The following ART3 variants were observed in gnomAD, a reference collection of about 807,000 sequenced individuals.
ART3 encodes ADP-ribosyltransferase 3 (inactive), also known as ecto-ADP-ribosyltransferase 3.
Under a neutral mutation model 48.5 loss-of-function variants are expected in ART3, and 49 were observed. The observed-to-expected ratio is 1.01, with a 90% CI of 0.80 to 1.28. The LOEUF (loss-of-function observed/expected upper bound fraction) is 1.28, where lower values mean the gene tolerates loss of function less well. Among genes scored for constraint, ART3 ranks in the 50% most tolerant of loss-of-function variants. The pLI, the probability that ART3 is intolerant of heterozygous loss-of-function variation, is 0.00. For synonymous variants in ART3, 145 were observed against 157.2 expected, an observed-to-expected ratio of 0.92 and a Z score of 0.58; for missense variants, 438 against 454.3, an observed-to-expected ratio of 0.96 and a Z score of 0.33.
intron 3 of ART3, among the ~76,000 whole-genome samples, chr4:76,085,208 A>G (rs1349198013): frequency 6.6e-6 from 1 of 152,232 alleles, no homozygotes; most frequent in Non-Finnish European, 1.5e-5. Context: ...TGATTGCCTA[A>G]CTGAACCAAA....
chr4:76,082,678 C>A (rs1156882339), intron 3 of ART3, 143 bp downstream of exon 3: 2 of 616,902 alleles, frequency 3.2e-6, no homozygotes, highest in South Asian at 3.6e-5. Context: ...TATCTCTTTA[C>A]CCATAGTTAA....
At chr4:76,102,125 A>C (rs577225792) in intron 8 of ART3, among the ~76,000 whole-genome samples, 1 of 152,380 alleles carries the variant, frequency 6.6e-6, no homozygotes, top group Non-Finnish European at 1.5e-5. Context: ...TTAAAGACAG[A>C]GAAGAGCCAA....
Position 76,081,817 on chromosome 4 carries a change from T to C in ART3, c.70-7T>C, listed in dbSNP as rs1270439838. ...TTCAAGAGTATTAATTTCTTTTTCC[T>C]TTGAAGGTGAAGGCTGAAGTGTTAG... On this transcript the variant is annotated splice_polypyrimidine_tract_variant and splice_region_variant and intron_variant, in intron 2 of 11. Transcript: ENST00000355810. 7 of 1,598,902 alleles carry C rather than the reference T, an allele frequency of 4.4e-6. No homozygotes were observed. The highest frequency in any genetic ancestry group is 6.0e-6 in the Non-Finnish European group (7 of 1,171,730).
At chr4:76,099,730 TA>T (rs1331181066) in intron 5 of ART3, 3 of 152,968 alleles carry the variant, frequency 2.0e-5, no homozygotes, top group Admixed American at 6.5e-5. Context: ...TAGATGCTCT[TA>T]AAGTTTCCAC....
At chr4:76,028,797 G>A (rs1189539799) in intron 1 of ART3, among the ~76,000 whole-genome samples, 1 of 152,210 alleles carries the variant, frequency 6.6e-6, no homozygotes, top group Non-Finnish European at 1.5e-5. Context: ...CAAACTGAGT[G>A]CTGGCAAAGT....
chr4:76,089,132 A>G (rs1724260354), intron 3 of ART3, among the ~76,000 whole-genome samples: 1 of 152,152 alleles, frequency 6.6e-6, no homozygotes, highest in African/African-American at 2.4e-5. Context: ...TGCTAATGGG[A>G]TGTGTTTGCT....
intron 1 of ART3, among the ~76,000 whole-genome samples, chr4:76,046,449 A>T (rs1210600977): frequency 6.6e-6 from 1 of 152,106 alleles, no homozygotes; most frequent in Non-Finnish European, 1.5e-5. Context: ...GGGGTGTTGC[A>T]GGGACTGCTG....
chr4:76,052,574 A>G (rs1465431801), intron 1 of ART3, among the ~76,000 whole-genome samples: 2 of 152,102 alleles, frequency 1.3e-5, no homozygotes, highest in Non-Finnish European at 2.9e-5. Context: ...CATGGTACCC[A>G]TTAAGTAGTT....
chr4:76,078,825 A>G (rs1270311128), intron 2 of ART3, among the ~76,000 whole-genome samples: 1 of 152,214 alleles, frequency 6.6e-6, no homozygotes, highest in East Asian at 1.9e-4. Flanking sequence ...TCACGCCTGT[A>G]ATCCCAGCAC....
intron 1 of ART3, among the ~76,000 whole-genome samples, chr4:76,026,085 T>C (rs1374973056): frequency 6.6e-6 from 1 of 151,976 alleles, no homozygotes; most frequent in Non-Finnish European, 1.5e-5. Flanking sequence ...CCTCATATCA[T>C]TCCTTCTCAA....
chr4:76,111,537 TAC>T (rs1353863598), intron 11 of ART3, among the ~76,000 whole-genome samples: 34 of 137,658 alleles, frequency 2.5e-4, no homozygotes, highest in African/African-American at 6.2e-4. Context: ...ATTGTAAAAA[TAC>T]AGTTTATTTA....
At chr4:76,015,991 T>C (rs1732217275) in intron 1 of ART3, among the ~76,000 whole-genome samples, 1 of 152,226 alleles carries the variant, frequency 6.6e-6, no homozygotes, top group African/African-American at 2.4e-5. Flanking sequence ...TCAATATTCA[T>C]GAGAGATATT....
chr4:76,022,533 T>G (rs1205558066), intron 1 of ART3: 1 of 1,505,488 alleles, frequency 6.6e-7, no homozygotes, highest in Non-Finnish European at 9.2e-7. Context: ...AGTTCTGAAG[T>G]CAGACATTTA....
intron 1 of ART3, among the ~76,000 whole-genome samples, chr4:76,030,017 C>T (rs6814817): frequency 0.61 from 93,041 of 152,070 alleles, 29,534 homozygotes; most frequent in East Asian, 0.94. Context: ...TAAATTCAGA[C>T]TCAAATCCTT....
chr4:76,032,389 T>C (rs1457093733), intron 1 of ART3, among the ~76,000 whole-genome samples: 1 of 152,038 alleles, frequency 6.6e-6, no homozygotes, highest in Non-Finnish European at 1.5e-5. Context: ...CTATTTTTTA[T>C]AGAGATGAAT....
chr4:76,102,785 A>C (rs1727626869), intron 8 of ART3, among the ~76,000 whole-genome samples: 1 of 152,104 alleles, frequency 6.6e-6, no homozygotes, highest in African/African-American at 2.4e-5. Flanking sequence ...TTAATTTTTA[A>C]TAATTTTCTG....
At chr4:76,015,563 C>CT in intron 1 of ART3, among the ~76,000 whole-genome samples, 1 of 152,292 alleles carries the variant, frequency 6.6e-6, no homozygotes, top group Middle Eastern at 3.4e-3. Flanking sequence ...TAAAACCTTC[C>CT]TTATCAGTAA....
At chr4:76,066,057 A>C (rs1484410571) in intron 1 of ART3, among the ~76,000 whole-genome samples, 2 of 152,202 alleles carry the variant, frequency 1.3e-5, no homozygotes, top group Non-Finnish European at 2.9e-5. Context: ...AAAGGAGAAA[A>C]GAGAATTCAG....
In ART3 at chr4:76,036,026, A is replaced by G. The variant is rs753717714; in HGVS notation, c.-10+24706A>G. 19 of 1,595,072 alleles carry G rather than the reference A, an allele frequency of 1.2e-5. No individual in the cohort carries two copies. In the African/African-American group the frequency reaches 1.5e-4, roughly 12 times the overall value. ...TGTTGCTGCTGGTGCTGCTGCTGCT[A>G]CTTCAGCTTTGCTGCTCTTCTTGGA... is the stretch of plus-strand genomic sequence containing the variant. On this transcript the variant is annotated intron_variant, in intron 1 of 9. Coordinates refer to the ART3 transcript ENST00000341029.
Sources: allele counts gnomAD v4.1 joint callset (sites outside exome capture counted in the v4.1 genomes callset), GRCh38; gene constraint gnomAD v4.1.1; transcripts MANE v1.5; gene names NCBI Gene and HGNC (gene_info 2026-07-23, HGNC 2026-07-21).